Variants in PRKCA observed in about 807,000 individuals in gnomAD.
PRKCA encodes protein kinase C alpha type.
In PRKCA, 27 loss-of-function variants were observed where a neutral mutation model predicts 87.0. The observed-to-expected ratio is 0.31, with a 90% CI of 0.23 to 0.43. The LOEUF is 0.43. Among genes scored for constraint, PRKCA ranks in the 20% least tolerant of loss-of-function variants. PRKCA has a pLI of 1.00. For synonymous variants in PRKCA, 329 were observed against 311.1 expected (o/e 1.06, Z -0.61); for missense variants, 518 against 852.3 (o/e 0.61, Z 4.88).
At chr17:66,665,819 G>T (rs1598856961) in intron 5 of PRKCA, among the ~76,000 whole-genome samples, 2 of 152,210 alleles carry the variant, frequency 1.3e-5, no homozygotes, top group African/African-American at 4.8e-5. Context: ...ATATGTTTGG[G>T]ATGGTGTTGG....
intron 3 of PRKCA, among the ~76,000 whole-genome samples, chr17:66,532,794 A>G (rs1292570417): frequency 2.0e-5 from 3 of 152,160 alleles, no homozygotes; most frequent in African/African-American, 7.2e-5. Flanking sequence ...TGCTGTGACC[A>G]TGGACAAGTT....
At chr17:66,561,496 A>G (rs980650669) in intron 3 of PRKCA, among the ~76,000 whole-genome samples, 16 of 152,288 alleles carry the variant, frequency 1.1e-4, no homozygotes, top group African/African-American at 3.8e-4. Flanking sequence ...AGCGTGTGTC[A>G]TGTCCACACC....
intron 3 of PRKCA, among the ~76,000 whole-genome samples, chr17:66,585,362 C>T (rs1409126584): frequency 6.6e-6 from 1 of 152,184 alleles, no homozygotes; most frequent in Non-Finnish European, 1.5e-5. Flanking sequence ...TGCAAGCTTC[C>T]AGCTTGCTTA....
intron 2 of PRKCA, among the ~76,000 whole-genome samples, chr17:66,329,740 G>A (rs940784328): frequency 2.0e-5 from 3 of 152,120 alleles, no homozygotes; most frequent in Non-Finnish European, 2.9e-5. Flanking sequence ...GAGCTTCATC[G>A]TAATGGGCAG....
At chr17:66,436,258 C>T (rs1475332942) in intron 2 of PRKCA, among the ~76,000 whole-genome samples, 3 of 152,114 alleles carry the variant, frequency 2.0e-5, no homozygotes, top group African/African-American at 7.2e-5. Flanking sequence ...GAAGTCTTAG[C>T]ACTCTTCAAG....
At chr17:66,522,368 G>A (rs1967190229) in intron 3 of PRKCA, among the ~76,000 whole-genome samples, 1 of 152,150 alleles carries the variant, frequency 6.6e-6, no homozygotes, top group Non-Finnish European at 1.5e-5. Flanking sequence ...ATCTTTATGA[G>A]TTTATCTCAG....
At chr17:66,354,453 T>C (rs981149957) in intron 2 of PRKCA, among the ~76,000 whole-genome samples, 6 of 152,204 alleles carry the variant, frequency 3.9e-5, no homozygotes, top group Non-Finnish European at 8.8e-5. Flanking sequence ...AACGGCTTTG[T>C]AGGATCTAAG....
chr17:66,303,091 C>T, intron 1 of PRKCA, 67 bp downstream of exon 1: 19 of 1,566,854 alleles, frequency 1.2e-5, no homozygotes, highest in Non-Finnish European at 1.6e-5. Context: ...CCCGGCGCTC[C>T]GGCGCGTCCG....
At chr17:66,776,087 C>T (rs1374734299) in intron 14 of PRKCA, among the ~76,000 whole-genome samples, 1 of 152,160 alleles carries the variant, frequency 6.6e-6, no homozygotes, top group Non-Finnish European at 1.5e-5. Flanking sequence ...GAATGTGCAG[C>T]CACGTTTAAG....
At chr17:66,697,748 C>T (rs906942794) in intron 8 of PRKCA, among the ~76,000 whole-genome samples, 8 of 152,224 alleles carry the variant, frequency 5.3e-5, no homozygotes, top group African/African-American at 9.6e-5. Context: ...AGCCCATCCA[C>T]GAGCTGCTTG....
At chr17:66,405,583 A>G (rs1911326201) in intron 2 of PRKCA, among the ~76,000 whole-genome samples, 1 of 152,232 alleles carries the variant, frequency 6.6e-6, no homozygotes, top group Admixed American at 6.5e-5. Context: ...TGTAATTGCT[A>G]TTTGAATTTC....
chr17:66,549,957 C>T (rs1254798490), intron 3 of PRKCA, among the ~76,000 whole-genome samples: 1 of 152,156 alleles, frequency 6.6e-6, no homozygotes, highest in Non-Finnish European at 1.5e-5. Context: ...CCACTACCTC[C>T]TCCCCCAGTC....
At chr17:66,505,427 C>G (rs139308588) in intron 3 of PRKCA, among the ~76,000 whole-genome samples, 97 of 152,224 alleles carry the variant, frequency 6.4e-4, no homozygotes, top group African/African-American at 2.3e-3. Context: ...CCCATTTTCA[C>G]CAGTGTTTGG....
intron 16 of PRKCA, among the ~76,000 whole-genome samples, chr17:66,802,066 C>CA (rs1388506663): frequency 6.6e-6 from 1 of 151,876 alleles, no homozygotes; most frequent in South Asian, 2.1e-4. Flanking sequence ...ACAAAAAATG[C>CA]AAAAAATAGT....
intron 3 of PRKCA, among the ~76,000 whole-genome samples, chr17:66,624,216 G>A (rs1159988353): frequency 1.3e-5 from 2 of 152,020 alleles, no homozygotes; most frequent in Non-Finnish European, 2.9e-5. Context: ...GGAAGCCACC[G>A]AGAGGCTAGA....
At chr17:66,303,503 T>TGG (rs5821532) in intron 1 of PRKCA, among the ~76,000 whole-genome samples, 3,792 of 151,562 alleles carry the variant, frequency 0.025, 145 homozygotes, top group African/African-American at 0.082. Context: ...GCGTTCGGGG[T>TGG]GGGGGGGTTG....
At position 66,810,538 on chromosome 17, in the gene PRKCA, A is replaced by G. The variant is rs1026198042; in HGVS notation, c.*6501A>G. 6.6e-6 allele frequency: 1 copy of G among 152,238 alleles called. No individual in the cohort carries two copies. The highest frequency in any genetic ancestry group is 2.4e-5 in the African/African-American group (1 of 41,460). The allele number at this position is 152,238 out of a possible 1,614,324, so 9.4% of individuals were successfully genotyped here. On this transcript the variant is annotated 3_prime_UTR_variant, in exon 17 of 17. Transcript: ENST00000413366. ...CGGAGGTTGAGGTTTTTCCTTCTGT[A>G]TAAGCACCTACTGACAAAATGTAGA...
intron 8 of PRKCA, among the ~76,000 whole-genome samples, chr17:66,723,306 T>C (rs1973660457): frequency 6.6e-6 from 1 of 152,204 alleles, no homozygotes; most frequent in South Asian, 2.1e-4. Context: ...TCTCCTGCAC[T>C]TTGTCTCCTT....
chr17:66,634,128 A>G (rs1971092848), intron 3 of PRKCA, among the ~76,000 whole-genome samples: 1 of 152,232 alleles, frequency 6.6e-6, no homozygotes, highest in Admixed American at 6.5e-5. Flanking sequence ...AGACTAATTA[A>G]GTTGCTACAT....
Sources: gnomAD v4.1 joint callset for allele counts (sites outside exome capture counted in the v4.1 genomes callset) on GRCh38, gnomAD v4.1.1 for gene constraint, MANE v1.5 for transcripts, NCBI Gene and HGNC (gene_info 2026-07-23, HGNC 2026-07-21) for gene names.